PHACTR4: variants seen among roughly 807,000 people sequenced by gnomAD.
PHACTR4 encodes phosphatase and actin regulator 4.
In PHACTR4, 51 loss-of-function variants were observed where a neutral mutation model predicts 72.7. The ratio of observed to expected loss-of-function variants is 0.70; its 90% CI spans 0.56 to 0.89. The LOEUF is 0.89. PHACTR4 is among the 40% of genes least tolerant of loss of function. The probability of loss-of-function intolerance (pLI) is 0.00; values close to 1 mark genes in which losing one functional copy is unlikely to be tolerated. For synonymous variants in PHACTR4, 255 were observed against 302.5 expected (o/e 0.84, Z 1.63); for missense variants, 731 against 861.8 (o/e 0.85, Z 1.90).
At chr1:28,375,197 G>A (rs1358108513) in intron 1 of PHACTR4, among the ~76,000 whole-genome samples, 1 of 152,138 alleles carries the variant, frequency 6.6e-6, no homozygotes, top group East Asian at 1.9e-4. Flanking sequence ...TACTTGGGAG[G>A]CTGAGGCATG....
chr1:28,417,541 G>A (rs765366419), intron 2 of PHACTR4, among the ~76,000 whole-genome samples: 1 of 152,160 alleles, frequency 6.6e-6, no homozygotes, highest in Non-Finnish European at 1.5e-5. Context: ...GGATATGCTG[G>A]ACAAGGTGAT....
chr1:28,448,748 C>T (rs1210467860), intron 2 of PHACTR4, among the ~76,000 whole-genome samples: 10 of 105,330 alleles, frequency 9.5e-5, no homozygotes, highest in Non-Finnish European at 1.5e-4. Flanking sequence ...GGCGACAGAG[C>T]GAGACTCCAT....
chr1:28,391,587 T>C (rs937113975), intron 1 of PHACTR4, among the ~76,000 whole-genome samples: 1 of 143,970 alleles, frequency 6.9e-6, no homozygotes, highest in African/African-American at 2.6e-5. Context: ...GTGACCTTAG[T>C]AAAAATATAT....
At chr1:28,451,828 A>G (rs972048894) in intron 2 of PHACTR4, among the ~76,000 whole-genome samples, 9 of 151,522 alleles carry the variant, frequency 5.9e-5, no homozygotes, top group Non-Finnish European at 1.0e-4. Context: ...TTGTAGAGGC[A>G]GGGTCTCCCT....
intron 1 of PHACTR4, among the ~76,000 whole-genome samples, chr1:28,401,591 G>A (rs901122789): frequency 6.6e-6 from 1 of 151,990 alleles, no homozygotes; most frequent in Non-Finnish European, 1.5e-5. Flanking sequence ...ACAGGCATGA[G>A]CCACCATGCC....
intron 2 of PHACTR4, among the ~76,000 whole-genome samples, chr1:28,443,853 T>G (rs938015419): frequency 2.0e-5 from 3 of 152,196 alleles, no homozygotes; most frequent in African/African-American, 7.2e-5. Context: ...ATTCCATATC[T>G]TGGCTGTTGT....
intron 2 of PHACTR4, among the ~76,000 whole-genome samples, chr1:28,431,860 C>CT (rs752596459): frequency 4.6e-5 from 7 of 152,200 alleles, no homozygotes; most frequent in African/African-American, 7.2e-5. Context: ...AGCTGATGAT[C>CT]TTAAGTTTCT....
At chr1:28,408,678 T>G (rs926370930) in intron 2 of PHACTR4, among the ~76,000 whole-genome samples, 23 of 151,572 alleles carry the variant, frequency 1.5e-4, no homozygotes, top group African/African-American at 5.1e-4. Context: ...ATATTTTTTT[T>G]TAATTTATTT....
At position 28,485,776 on chromosome 1, in the gene PHACTR4, G is replaced by A. The variant is rs574952606; in HGVS notation, c.1761-3394G>A. On this transcript the variant is annotated intron_variant, in intron 9 of 13. Coordinates refer to ENST00000373839, the MANE Select transcript of PHACTR4 (RefSeq NM_001048183.3). ...TAGCCGGGTGTGGTGGCGCATGCCTGTAATCCCAGCTACTCAGGAGGCTGA... is the reference window on the plus strand; with the variant it reads ...TAGCCGGGTGTGGTGGCGCATGCCTATAATCCCAGCTACTCAGGAGGCTGA... Among the ~76,000 whole-genome samples the A allele has an allele frequency of 2.6e-4, 40 of 151,392 alleles. No homozygotes were observed. The East Asian group carries it at 7.8e-3, about 30-fold the overall frequency.
intron 1 of PHACTR4, among the ~76,000 whole-genome samples, chr1:28,381,489 G>A (rs924673787): frequency 6.8e-6 from 1 of 146,798 alleles, no homozygotes; most frequent in African/African-American, 2.5e-5. Context: ...TAGTAGAGAC[G>A]CAGTTAAACC....
rs1473701574 is a variant in PHACTR4, at chr1:28,496,855, C to T, written c.*306C>T. The T allele has an allele frequency of 4.2e-6, 2 of 481,670 alleles. No individual in the cohort carries two copies. Among genetic ancestry groups the T allele is most frequent in the Non-Finnish European group, 7.5e-6 (2 of 265,298 alleles). 29.8% of individuals were successfully genotyped at this position (481,670 alleles called of 1,614,324 possible). A position where few individuals can be genotyped will look rare whatever the true frequency, so the allele number is the denominator to read the frequency against. ...CAGGTTCCAGGTTTTACTGGCTGCA[C>T]CACACCCCTTCCCCTAGATGACTGC... On this transcript the variant is annotated 3_prime_UTR_variant, in exon 14 of 14. Transcript: ENST00000373839.
At position 28,476,191 on chromosome 1, in the gene PHACTR4, A is replaced by G. The variant is rs748833240; in HGVS notation, c.1506A>G (p.Leu502=). The G allele has an allele frequency of 4.3e-6, 7 of 1,612,852 alleles. No individual in the cohort carries two copies. Among genetic ancestry groups the G allele is most frequent in the Non-Finnish European group, 5.9e-6 (7 of 1,179,218 alleles). ...CACCTACCTCAGTCATTCCTAAATT[A>G]CCACAGTGTCTACGGGAGGAAGAAG... ...EMTPTSVIPK[L]PQCLREEEEK... Residue 502 remains leucine (L), a synonymous_variant, in exon 8 of 14, where the codon TTA becomes TTG. Coordinates refer to ENST00000373839, the MANE Select transcript of PHACTR4 (RefSeq NM_001048183.3).
intron 1 of PHACTR4, among the ~76,000 whole-genome samples, chr1:28,372,339 C>T (rs892014175): frequency 5.3e-5 from 8 of 151,994 alleles, no homozygotes; most frequent in African/African-American, 1.7e-4. Flanking sequence ...CTGCCCTAGC[C>T]GAGTAGGCAA....
chr1:28,388,475 G>T (rs772685746), intron 1 of PHACTR4, among the ~76,000 whole-genome samples: 7 of 152,226 alleles, frequency 4.6e-5, no homozygotes, highest in Non-Finnish European at 8.8e-5. Flanking sequence ...AGGACAATCA[G>T]TGTCTTCAGT....
intron 2 of PHACTR4, among the ~76,000 whole-genome samples, chr1:28,430,437 T>C (rs1656180031): frequency 6.6e-6 from 1 of 152,178 alleles, no homozygotes; most frequent in Non-Finnish European, 1.5e-5. Context: ...GTTTGCAGAT[T>C]ACCAGCAAGG....
At chr1:28,462,524 C>T (rs1277168694) in intron 4 of PHACTR4, among the ~76,000 whole-genome samples, 55 of 152,110 alleles carry the variant, frequency 3.6e-4, no homozygotes, top group Admixed American at 3.5e-3. Flanking sequence ...TGCATCACCA[C>T]ACCCAGCTAA....
chr1:28,465,049 C>G (rs979083235), intron 4 of PHACTR4, among the ~76,000 whole-genome samples: 5 of 152,072 alleles, frequency 3.3e-5, no homozygotes, highest in African/African-American at 1.2e-4. Context: ...ACATAGTAGG[C>G]TATCAAACAT....
intron 1 of PHACTR4, among the ~76,000 whole-genome samples, chr1:28,378,572 C>G (rs1014937057): frequency 2.4e-5 from 3 of 123,742 alleles, no homozygotes; most frequent in East Asian, 2.4e-4. Flanking sequence ...CCCCCCAGCC[C>G]CCCCCCCCTT....
intron 2 of PHACTR4, among the ~76,000 whole-genome samples, chr1:28,446,595 A>G (rs1657486709): frequency 1.3e-5 from 2 of 152,182 alleles, no homozygotes; most frequent in South Asian, 2.1e-4. Flanking sequence ...CCTGGCCAAC[A>G]TGGTGAAACC....
Sources: gnomAD v4.1 joint callset for allele counts (sites outside exome capture counted in the v4.1 genomes callset) on GRCh38, gnomAD v4.1.1 for gene constraint, MANE v1.5 for transcripts, NCBI Gene and HGNC (gene_info 2026-07-23, HGNC 2026-07-21) for gene names.